The following PTK2B variants were observed in gnomAD, a reference collection of about 807,000 sequenced individuals.
The protein encoded by PTK2B is protein tyrosine kinase 2 beta.
Under a neutral mutation model 142.9 loss-of-function variants are expected in PTK2B, and 71 were observed. That is an observed-to-expected ratio of 0.50 (90% confidence interval 0.41 to 0.61). The LOEUF (loss-of-function observed/expected upper bound fraction) is 0.61, where lower values mean the gene tolerates loss of function less well. Among genes scored for constraint, PTK2B ranks in the 20% least tolerant of loss-of-function variants. PTK2B has a pLI of 0.00. For missense variants in PTK2B, 1,105 were observed against 1,320.4 expected, an observed-to-expected ratio of 0.84 and a Z score of 2.53; for synonymous variants, 519 against 503.4, an observed-to-expected ratio of 1.03 and a Z score of -0.42.
At chr8:27,404,124 G>T (rs1414998797) in intron 2 of PTK2B, among the ~76,000 whole-genome samples, 2 of 152,112 alleles carry the variant, frequency 1.3e-5, no homozygotes, top group Non-Finnish European at 2.9e-5. Context: ...GGGTGACAAT[G>T]ACACAATAAT....
chr8:27,451,430 G>T (rs1325717002), intron 26 of PTK2B, 55 bp from the exon 27 acceptor site: 5 of 1,610,098 alleles, frequency 3.1e-6, no homozygotes, highest in African/African-American at 1.3e-5. Context: ...CAGGGAGGGG[G>T]TTGTCTCCAC....
intron 3 of PTK2B, among the ~76,000 whole-genome samples, chr8:27,319,406 G>C (rs1803160033): frequency 6.6e-6 from 1 of 151,436 alleles, no homozygotes; most frequent in African/African-American, 2.4e-5. Flanking sequence ...ACTTTGGGAG[G>C]CCAAGGCGGG....
chr8:27,378,344 A>T (rs1233174111), intron 1 of PTK2B, among the ~76,000 whole-genome samples: 1 of 152,210 alleles, frequency 6.6e-6, no homozygotes. Context: ...TTCTGCAAAT[A>T]TGGAAGTATT....
chr8:27,407,736 C>G (rs1024380948), intron 2 of PTK2B, among the ~76,000 whole-genome samples: 6 of 152,208 alleles, frequency 3.9e-5, no homozygotes, highest in Non-Finnish European at 8.8e-5. Context: ...ATCTTCATGT[C>G]TTAATTCTAG....
intron 24 of PTK2B, among the ~76,000 whole-genome samples, chr8:27,449,643 G>A (rs1348849676): frequency 1.3e-5 from 2 of 152,230 alleles, no homozygotes; most frequent in Non-Finnish European, 2.9e-5. Flanking sequence ...GCAATCAAGA[G>A]GATGCCAATA....
At chr8:27,340,723 G>T (rs1395567906) in intron 1 of PTK2B, among the ~76,000 whole-genome samples, 1 of 152,222 alleles carries the variant, frequency 6.6e-6, no homozygotes, top group African/African-American at 2.4e-5. Context: ...CTGGGGTGTG[G>T]CCAGGGCTGC....
intron 8 of PTK2B, 58 bp downstream of exon 8, chr8:27,431,074 G>A (rs958346182): frequency 1.3e-6 from 2 of 1,576,022 alleles, no homozygotes; most frequent in African/African-American, 2.7e-5. Context: ...TCTCGGAAAA[G>A]GGGGCCAGGA....
chr8:27,457,308 G>A lies in PTK2B; in HGVS notation c.2815-986G>A, dbSNP rs1007299181. On this transcript the variant is annotated intron_variant, in intron 30 of 30. Transcript: ENST00000346049. ...GAATTAGGCTAAATCTACTATTGAG[G>A]TTTACTACTCAGAAAAAAAAGACTA... Among the ~76,000 whole-genome samples, 4 of 152,116 alleles carry A rather than the reference G, an allele frequency of 2.6e-5. No homozygotes were observed. In the East Asian group the frequency reaches 7.7e-4, roughly 29 times the overall value.
At chr8:27,414,872 A>G (rs751489512) in intron 2 of PTK2B, among the ~76,000 whole-genome samples, 2 of 146,684 alleles carry the variant, frequency 1.4e-5, no homozygotes, top group Middle Eastern at 3.6e-3. Context: ...AATCACTCCA[A>G]CCATCTCTCT....
rs182721617 is a variant in PTK2B at position 27,354,911 on chromosome 8, A to G, written c.-38+29230A>G. Among the ~76,000 whole-genome samples the G allele has an allele frequency of 2.6e-5, 4 of 152,238 alleles. No homozygotes were observed. The East Asian group carries it at 5.8e-4, about 22-fold the overall frequency. On this transcript the variant is annotated intron_variant, in intron 1 of 30. Coordinates refer to ENST00000346049, the MANE Select transcript of PTK2B (RefSeq NM_173176.3). ...GAATCATCCCTGATTTTCAAGGATG[A>G]TATTTTTATTATACTGCTTATGTCT...
upstream of PTK2B, among the ~76,000 whole-genome samples, chr8:27,322,124 G>A (rs1167473454): frequency 6.6e-6 from 1 of 151,968 alleles, no homozygotes; most frequent in African/African-American, 2.4e-5. Flanking sequence ...CCAAGGAGCT[G>A]GGACTACAGG....
intron 1 of PTK2B, among the ~76,000 whole-genome samples, chr8:27,339,756 T>C (rs945153881): frequency 2.6e-5 from 4 of 152,158 alleles, no homozygotes; most frequent in African/African-American, 9.7e-5. Flanking sequence ...TACACAGCAA[T>C]GTGGACATAC....
chr8:27,437,989 C>A, intron 18 of PTK2B, 109 bp downstream of exon 18: 1 of 967,796 alleles, frequency 1.0e-6, no homozygotes. Flanking sequence ...GTGTTGGAAT[C>A]CCAGCAATTG....
chr8:27,419,437 G>A (rs184677459), intron 2 of PTK2B, among the ~76,000 whole-genome samples: 89 of 152,328 alleles, frequency 5.8e-4, no homozygotes, highest in East Asian at 2.9e-3. Flanking sequence ...TCAGCCACAC[G>A]GGATGGTAAC....
intron 30 of PTK2B, among the ~76,000 whole-genome samples, 159 bp downstream of exon 30, chr8:27,454,770 G>A (rs1314392916): frequency 6.6e-6 from 1 of 152,178 alleles, no homozygotes; most frequent in Non-Finnish European, 1.5e-5. Context: ...TACCACCAGA[G>A]GGCTGAGAGG....
intron 1 of PTK2B, among the ~76,000 whole-genome samples, chr8:27,387,422 G>A (rs1172962401): frequency 6.6e-6 from 1 of 152,170 alleles, no homozygotes; most frequent in African/African-American, 2.4e-5. Context: ...TCTTCTTAAC[G>A]TTGATTTGGA....
At chr8:27,390,515 C>T (rs1442169699) in intron 1 of PTK2B, among the ~76,000 whole-genome samples, 1 of 152,026 alleles carries the variant, frequency 6.6e-6, no homozygotes, top group Non-Finnish European at 1.5e-5. Flanking sequence ...GTGGCATGTA[C>T]CTGTAGTCCC....
chr8:27,399,902 C>T (rs1808272122), intron 2 of PTK2B, among the ~76,000 whole-genome samples: 1 of 152,172 alleles, frequency 6.6e-6, no homozygotes, highest in Non-Finnish European at 1.5e-5. Flanking sequence ...AGTCTCTTCA[C>T]CCGGGGATCA....
At chr8:27,437,089 G>C (rs7005954) in intron 15 of PTK2B, 33 bp from the exon 16 acceptor site, 635,418 of 1,595,366 alleles carry the variant, frequency 0.4, 129,284 homozygotes, top group South Asian at 0.47. Flanking sequence ...CACTGGGCTG[G>C]ACCAAGGGGT....
Sources: allele counts gnomAD v4.1 joint callset (sites outside exome capture counted in the v4.1 genomes callset), GRCh38; gene constraint gnomAD v4.1.1; transcripts MANE v1.5; gene names NCBI Gene and HGNC (gene_info 2026-07-23, HGNC 2026-07-21).